The following SORCS1 variants were observed in gnomAD, a reference collection of about 807,000 sequenced individuals.
SORCS1 encodes the protein VPS10 domain-containing receptor SorCS1.
A neutral mutation model predicts 146.1 loss-of-function variants in SORCS1; 60 were observed. The observed-to-expected ratio is 0.41, with a 90% CI of 0.33 to 0.51. SORCS1 has a LOEUF of 0.51. Ranked by LOEUF, SORCS1 falls within the 20% of genes least tolerant of loss-of-function variation. The probability of loss-of-function intolerance (pLI) is 0.21; values close to 1 mark genes in which losing one functional copy is unlikely to be tolerated. For missense variants in SORCS1, 1,352 were observed against 1,487.6 expected (o/e 0.91, Z 1.50); for synonymous variants, 637 against 584.0 (o/e 1.09, Z -1.31).
intron 1 of SORCS1, among the ~76,000 whole-genome samples, chr10:107,028,356 C>T (rs145650996): frequency 1.2e-3 from 190 of 152,348 alleles, no homozygotes; most frequent in African/African-American, 3.5e-3. Flanking sequence ...TTCAAACACA[C>T]TTGGGTTAGA....
intron 1 of SORCS1, among the ~76,000 whole-genome samples, chr10:106,958,635 T>C (rs1955077550): frequency 7.0e-6 from 1 of 142,882 alleles, no homozygotes; most frequent in Non-Finnish European, 1.6e-5. Flanking sequence ...GCCCCTCTCC[T>C]AAACTACAGC....
chr10:106,661,990 C>A (rs1212404051), intron 17 of SORCS1, among the ~76,000 whole-genome samples: 1 of 152,144 alleles, frequency 6.6e-6, no homozygotes, highest in Non-Finnish European at 1.5e-5. Context: ...TATGAGAAAC[C>A]CTGACGCCAC....
At chr10:106,816,849 G>T (rs942188592) in intron 3 of SORCS1, among the ~76,000 whole-genome samples, 4 of 152,280 alleles carry the variant, frequency 2.6e-5, no homozygotes, top group African/African-American at 9.6e-5. Flanking sequence ...CGCTGCAGGG[G>T]TAAGAAACAA....
chr10:107,011,331 G>C lies in SORCS1; in HGVS notation c.559-54751C>G, dbSNP rs1221863532. Among the ~76,000 whole-genome samples the C allele has an allele frequency of 2.0e-5, 3 of 152,218 alleles. No homozygotes were observed. The East Asian group carries it at 5.8e-4, about 29-fold the overall frequency. ...GCCTCCTATGGGGGAATAATTGAAA[G>C]TCTGCAATGGAATGTAGTGATTAAA... is the stretch of plus-strand genomic sequence containing the variant. On this transcript the variant is annotated intron_variant, in intron 1 of 25. Transcript: ENST00000263054.
chr10:106,839,983 A>G (rs1948953669), intron 2 of SORCS1, among the ~76,000 whole-genome samples: 1 of 152,176 alleles, frequency 6.6e-6, no homozygotes, highest in Non-Finnish European at 1.5e-5. Flanking sequence ...GCTCACTGAT[A>G]ATGTACCTAG....
chr10:107,064,264 C>A (rs1961525963), intron 1 of SORCS1, among the ~76,000 whole-genome samples: 1 of 152,108 alleles, frequency 6.6e-6, no homozygotes, highest in African/African-American at 2.4e-5. Flanking sequence ...CTGGAAGGGA[C>A]ATTAGAAATG....
At chr10:106,803,583 T>C (rs190243700) in intron 3 of SORCS1, among the ~76,000 whole-genome samples, 1 of 152,348 alleles carries the variant, frequency 6.6e-6, no homozygotes, top group Admixed American at 6.5e-5. Context: ...ACTCAGTATC[T>C]TCTCTCCAAC....
intron 3 of SORCS1, among the ~76,000 whole-genome samples, chr10:106,798,906 G>A (rs943627118): frequency 6.6e-6 from 1 of 152,188 alleles, no homozygotes; most frequent in Non-Finnish European, 1.5e-5. Flanking sequence ...AACCATAAAA[G>A]AGCCCGCATT....
At chr10:107,140,748 A>G (rs1450577151) in intron 1 of SORCS1, among the ~76,000 whole-genome samples, 1 of 152,234 alleles carries the variant, frequency 6.6e-6, no homozygotes, top group African/African-American at 2.4e-5. Flanking sequence ...CCAACATATA[A>G]CACACATGGT....
At chr10:106,916,401 A>G (rs1952426355) in intron 2 of SORCS1, among the ~76,000 whole-genome samples, 1 of 150,778 alleles carries the variant, frequency 6.6e-6, no homozygotes, top group Non-Finnish European at 1.5e-5. Context: ...TTTGTTTCTA[A>G]TTGTGTATGT....
At chr10:106,607,908 C>T (rs1258187249) in intron 22 of SORCS1, among the ~76,000 whole-genome samples, 4 of 152,196 alleles carry the variant, frequency 2.6e-5, no homozygotes, top group Non-Finnish European at 5.9e-5. Context: ...CAGCATCAGA[C>T]CTGATGACCA....
chr10:107,021,456 G>A (rs1039024687), intron 1 of SORCS1, among the ~76,000 whole-genome samples: 1 of 126,670 alleles, frequency 7.9e-6, no homozygotes, highest in Non-Finnish European at 1.6e-5. Context: ...AGAACTTGCA[G>A]TGAGCCGAGA....
At chr10:106,895,002 C>A in intron 2 of SORCS1, among the ~76,000 whole-genome samples, 1 of 152,178 alleles carries the variant, frequency 6.6e-6, no homozygotes, top group Non-Finnish European at 1.5e-5. Flanking sequence ...TTGATATAAA[C>A]CAGATGTCAA....
intron 2 of SORCS1, among the ~76,000 whole-genome samples, chr10:106,863,336 C>A (rs927931366): frequency 2.0e-5 from 3 of 152,076 alleles, no homozygotes; most frequent in Non-Finnish European, 4.4e-5. Flanking sequence ...ACCAGCCTGG[C>A]CAACATGGTG....
the SORCS1 span, among the ~76,000 whole-genome samples, chr10:107,171,662 T>C: frequency 6.6e-6 from 1 of 151,922 alleles, no homozygotes; most frequent in Admixed American, 6.6e-5. Flanking sequence ...GATTACAGGC[T>C]TTGCCACCAT....
intron 17 of SORCS1, among the ~76,000 whole-genome samples, chr10:106,663,282 G>C (rs1850876866): frequency 6.6e-6 from 1 of 152,054 alleles, no homozygotes; most frequent in Admixed American, 6.6e-5. Context: ...GAAGAACAAT[G>C]TATCTAGTAG....
In SORCS1 at chr10:107,152,522, G is replaced by A. The variant is rs548169993; in HGVS notation, c.558+11447C>T. ...GGGGACCCCACACATGGGACCTAGCGGGAGGTAACTGAATCATGGGAGTGG... is the reference window on the plus strand; with the variant it reads ...GGGGACCCCACACATGGGACCTAGCAGGAGGTAACTGAATCATGGGAGTGG... On this transcript the variant is annotated intron_variant, in intron 1 of 25. Coordinates refer to ENST00000263054, the MANE Select transcript of SORCS1 (RefSeq NM_052918.5). 5.9e-5 allele frequency among the ~76,000 whole-genome samples: 9 copies of A among 152,296 alleles called. No individual in the cohort carries two copies. In the South Asian group the frequency reaches 1.0e-3, roughly 18 times the overall value.
chr10:106,668,578 G>A (rs1851349725), intron 16 of SORCS1, among the ~76,000 whole-genome samples: 1 of 152,146 alleles, frequency 6.6e-6, no homozygotes, highest in Admixed American at 6.5e-5. Context: ...ACAAATTGCA[G>A]GCAGCAATCG....
intron 1 of SORCS1, among the ~76,000 whole-genome samples, chr10:107,087,529 A>C (rs2134282327): frequency 6.6e-6 from 1 of 152,382 alleles, no homozygotes; most frequent in Middle Eastern, 3.4e-3. Flanking sequence ...CTCTCTAAAT[A>C]ATACCATATC....
Sources: allele counts gnomAD v4.1 joint callset (sites outside exome capture counted in the v4.1 genomes callset), GRCh38; gene constraint gnomAD v4.1.1; transcripts MANE v1.5; gene names NCBI Gene and HGNC (gene_info 2026-07-23, HGNC 2026-07-21).